The following NKAIN2 variants were observed in gnomAD, a reference collection of about 807,000 sequenced individuals.
NKAIN2 encodes sodium/potassium-transporting ATPase subunit beta-1-interacting protein 2.
Under a neutral mutation model 32.6 loss-of-function variants are expected in NKAIN2, and 14 were observed. The ratio of observed to expected loss-of-function variants is 0.43; its 90% confidence interval spans 0.28 to 0.67. The LOEUF is 0.67. Ranked by LOEUF, NKAIN2 falls within the 30% of genes least tolerant of loss-of-function variation. NKAIN2 has a pLI of 0.17. For missense variants in NKAIN2, 198 were observed against 258.3 expected (o/e 0.77, Z 1.60); for synonymous variants, 80 against 87.2 (o/e 0.92, Z 0.46).
intron 1 of NKAIN2, among the ~76,000 whole-genome samples, chr6:124,170,445 A>G (rs180706223): frequency 4.9e-4 from 74 of 152,318 alleles, no homozygotes; most frequent in African/African-American, 1.6e-3. Flanking sequence ...AATAGAAAGT[A>G]TGCAGGGAGA....
At chr6:124,012,442 T>G (rs973154612) in intron 1 of NKAIN2, among the ~76,000 whole-genome samples, 2 of 151,358 alleles carry the variant, frequency 1.3e-5, no homozygotes. Context: ...TTCAAGCAAT[T>G]CTCCTGCCTC....
chr6:124,733,755 G>T (rs1244372287), intron 4 of NKAIN2, among the ~76,000 whole-genome samples: 3 of 151,562 alleles, frequency 2.0e-5, no homozygotes, highest in Admixed American at 6.6e-5. Context: ...AGTTACATAT[G>T]TAAATATATA....
At chr6:124,707,615 G>A (rs1441515181) in intron 4 of NKAIN2, among the ~76,000 whole-genome samples, 11 of 145,030 alleles carry the variant, frequency 7.6e-5, no homozygotes, top group Non-Finnish European at 1.5e-4. Context: ...TTTTTCATGT[G>A]TTTTTTGGCT....
chr6:124,381,454 A>G (rs1401236072), intron 3 of NKAIN2, among the ~76,000 whole-genome samples: 1 of 152,172 alleles, frequency 6.6e-6, no homozygotes, highest in Admixed American at 6.5e-5. Flanking sequence ...GAAGAAAGCC[A>G]TTTGCTTAGT....
chr6:124,748,197 C>T (rs1362053876), intron 4 of NKAIN2, among the ~76,000 whole-genome samples: 2 of 151,954 alleles, frequency 1.3e-5, no homozygotes, highest in African/African-American at 4.8e-5. Context: ...ACCATATCAA[C>T]AATTACCTGT....
intron 3 of NKAIN2, among the ~76,000 whole-genome samples, chr6:124,610,211 TTACA>T (rs1179088118): frequency 6.6e-6 from 1 of 152,182 alleles, no homozygotes; most frequent in Non-Finnish European, 1.5e-5. Flanking sequence ...TTGTATCTAC[TTACA>T]TATACATCTA....
chr6:124,195,237 A>C (rs1267885845), intron 1 of NKAIN2, among the ~76,000 whole-genome samples: 2 of 152,020 alleles, frequency 1.3e-5, no homozygotes, highest in Admixed American at 1.3e-4. Context: ...AGAGTAAATC[A>C]GTTCTACATT....
intron 3 of NKAIN2, among the ~76,000 whole-genome samples, chr6:124,579,059 T>C (rs1240906584): frequency 1.3e-5 from 2 of 152,302 alleles, no homozygotes; most frequent in South Asian, 2.1e-4. Flanking sequence ...AATGCAAATA[T>C]GGCTGCAGTG....
Position 123,927,808 on chromosome 6 carries a change from A to T in NKAIN2, c.54+123554A>T, listed in dbSNP as rs866420730. 1.5e-4 allele frequency among the ~76,000 whole-genome samples: 23 copies of T among 152,152 alleles called. 1 individual carries two copies. Among genetic ancestry groups the T allele is most frequent in the Middle Eastern group, 3.2e-3 (1 of 316 alleles). The stretch of plus-strand genomic sequence containing the variant: ...CAGTTAGTAAGAGGGGAGGAGAAGG[A>T]GGAGGGTCCAACTATTCATATTAAG... On this transcript the variant is annotated intron_variant, in intron 1 of 6. Transcript: ENST00000368417.
chr6:124,080,241 A>G (rs1783896011), intron 1 of NKAIN2, among the ~76,000 whole-genome samples: 1 of 152,112 alleles, frequency 6.6e-6, no homozygotes, highest in Admixed American at 6.6e-5. Context: ...GGGAAGATAC[A>G]GTACAATTTG....
intron 1 of NKAIN2, among the ~76,000 whole-genome samples, chr6:124,009,447 A>G (rs1396356080): frequency 1.3e-5 from 2 of 152,184 alleles, no homozygotes; most frequent in Non-Finnish European, 2.9e-5. Context: ...CCAAGTATTT[A>G]GCATTCCCTT....
Position 124,760,708 on chromosome 6 carries a change from T to C in NKAIN2, c.475-30631T>C, listed in dbSNP as rs577619450. 9.9e-5 allele frequency among the ~76,000 whole-genome samples: 15 copies of C among 152,244 alleles called. No individual in the cohort carries two copies. In the East Asian group the frequency reaches 2.7e-3, roughly 28 times the overall value. On this transcript the variant is annotated intron_variant, in intron 4 of 6. Transcript: ENST00000368417. Reference sequence around the variant, plus strand: ...TGTCTTAAATATTAGGATAAGTTCATATTAAGAGCCACTGCTTGGGAAAAT... The same window carrying C: ...TGTCTTAAATATTAGGATAAGTTCACATTAAGAGCCACTGCTTGGGAAAAT...
intron 5 of NKAIN2, among the ~76,000 whole-genome samples, chr6:124,810,414 G>C (rs933609337): frequency 2.6e-5 from 4 of 151,812 alleles, no homozygotes; most frequent in Admixed American, 6.6e-5. Context: ...ATTCTCATTC[G>C]TAGGTGGGAA....
chr6:124,256,893 T>G (rs924116305), intron 1 of NKAIN2, among the ~76,000 whole-genome samples: 13 of 147,230 alleles, frequency 8.8e-5, no homozygotes, highest in African/African-American at 3.0e-4. Flanking sequence ...TTGTTTTTTT[T>G]TTTTTTTTTT....
chr6:123,951,046 T>C lies in NKAIN2; in HGVS notation c.54+146792T>C, dbSNP rs939853289. On this transcript the variant is annotated intron_variant, in intron 1 of 6. Transcript: ENST00000368417. ...AGTGGTCATTTAGGAGCATGTTGTT[T>C]AACTTCCATCTATTTATACAATTTC... Among the ~76,000 whole-genome samples, 4 of 152,054 alleles carry C rather than the reference T, an allele frequency of 2.6e-5. No homozygotes were observed. The East Asian group carries it at 7.7e-4, about 29-fold the overall frequency.
chr6:123,881,715 A>C (rs1461506060), intron 1 of NKAIN2, among the ~76,000 whole-genome samples: 3 of 152,202 alleles, frequency 2.0e-5, no homozygotes, highest in Non-Finnish European at 4.4e-5. Context: ...TCAAAGCATG[A>C]AATCATATTA....
chr6:124,607,885 AAT>A (rs1227003079), intron 3 of NKAIN2, among the ~76,000 whole-genome samples: 1 of 152,142 alleles, frequency 6.6e-6, no homozygotes, highest in Non-Finnish European at 1.5e-5. Flanking sequence ...TCTTTATTAC[AAT>A]ATAGGCTTTT....
At chr6:124,045,577 C>A (rs1366911958) in intron 1 of NKAIN2, among the ~76,000 whole-genome samples, 2 of 151,894 alleles carry the variant, frequency 1.3e-5, no homozygotes, top group Non-Finnish European at 2.9e-5. Flanking sequence ...GTGAAATCCT[C>A]AAAATTAAGC....
intron 1 of NKAIN2, among the ~76,000 whole-genome samples, chr6:124,058,725 G>A (rs1782783964): frequency 6.6e-6 from 1 of 152,024 alleles, no homozygotes; most frequent in Non-Finnish European, 1.5e-5. Context: ...ATGAATGGAA[G>A]AAAGAGAAAA....
Sources: gnomAD v4.1 joint callset for allele counts (sites outside exome capture counted in the v4.1 genomes callset) on GRCh38, gnomAD v4.1.1 for gene constraint, MANE v1.5 for transcripts, NCBI Gene and HGNC (gene_info 2026-07-23, HGNC 2026-07-21) for gene names.